Variants in UMAD1 observed in about 807,000 individuals in gnomAD.
The protein encoded by UMAD1 is UBAP1-MVB12-associated (UMA) domain containing 1.
In UMAD1, 8 loss-of-function variants were observed where a neutral mutation model predicts 6.1. The observed-to-expected ratio is 1.30, with a 90% CI of 0.76 to 2.35. UMAD1 has a LOEUF of 2.35. Among genes scored for constraint, UMAD1 ranks in the 30% most tolerant of loss-of-function variants. UMAD1 has a pLI of 0.00. For missense variants in UMAD1, 130 were observed against 78.4 expected (o/e 1.66, Z -2.49); for synonymous variants, 56 against 31.4 (o/e 1.78, Z -2.61).
intron 3 of UMAD1, among the ~76,000 whole-genome samples, chr7:7,851,178 TC>T (rs999399680): frequency 9.9e-5 from 15 of 152,174 alleles, no homozygotes; most frequent in Admixed American, 7.9e-4. Context: ...GTGACTGGCT[TC>T]TTTCAGTTAG....
At chr7:7,716,824 T>TA (rs1189147037) in intron 2 of UMAD1, among the ~76,000 whole-genome samples, 3 of 152,104 alleles carry the variant, frequency 2.0e-5, no homozygotes, top group Non-Finnish European at 2.9e-5. Context: ...CGGGCGCCCA[T>TA]AATCCCAGCT....
At chr7:7,712,578 C>T (rs1345052904) in intron 2 of UMAD1, among the ~76,000 whole-genome samples, 2 of 152,132 alleles carry the variant, frequency 1.3e-5, no homozygotes, top group African/African-American at 2.4e-5. Context: ...CATAATTCAT[C>T]TTTAGATTCT....
intron 2 of UMAD1, chr7:7,742,638 A>G (rs1781494960): frequency 2.9e-6 from 1 of 346,648 alleles, no homozygotes; most frequent in Non-Finnish European, 5.7e-6. Flanking sequence ...GAAAAGAACC[A>G]TAATTTTCAA....
At chr7:7,742,124 G>T in intron 2 of UMAD1, 1 of 612,094 alleles carries the variant, frequency 1.6e-6, no homozygotes, top group Non-Finnish European at 3.2e-6. Flanking sequence ...CCAAAGCATC[G>T]TAATCAGGAG....
chr7:7,673,704 TC>T (rs68160237), intron 2 of UMAD1, among the ~76,000 whole-genome samples: 85,449 of 149,942 alleles, frequency 0.57, 24,519 homozygotes, highest in East Asian at 0.8. Flanking sequence ...CACTTCTTTT[TC>T]CCCCCCTTTT....
intron 2 of UMAD1, chr7:7,741,191 A>G (rs887722323): frequency 3.9e-5 from 6 of 152,134 alleles, no homozygotes; most frequent in African/African-American, 1.4e-4. Context: ...TTCAGGGAGT[A>G]AGTCTTTATA....
chr7:7,661,876 G>A (rs1785483102), intron 1 of UMAD1, among the ~76,000 whole-genome samples: 1 of 152,152 alleles, frequency 6.6e-6, no homozygotes, highest in African/African-American at 2.4e-5. Context: ...TGGCAGGCAG[G>A]GACGTTTAAT....
At chr7:7,725,830 T>A (rs1781128833) in intron 2 of UMAD1, among the ~76,000 whole-genome samples, 1 of 152,154 alleles carries the variant, frequency 6.6e-6, no homozygotes, top group Non-Finnish European at 1.5e-5. Context: ...TTCCCTATGA[T>A]CAGTTGACGT....
chr7:7,810,787 A>G (rs1783005302), intron 3 of UMAD1, among the ~76,000 whole-genome samples: 1 of 152,214 alleles, frequency 6.6e-6, no homozygotes, highest in Non-Finnish European at 1.5e-5. Context: ...TGATAGTAAA[A>G]TAGTGAAACA....
At chr7:7,814,110 A>T (rs1783079155) in intron 3 of UMAD1, among the ~76,000 whole-genome samples, 1 of 152,040 alleles carries the variant, frequency 6.6e-6, no homozygotes, top group Non-Finnish European at 1.5e-5. Context: ...CAGCCTCCCA[A>T]GTAGCTGGGA....
intron 3 of UMAD1, among the ~76,000 whole-genome samples, chr7:7,825,578 C>A (rs1459162214): frequency 6.6e-6 from 1 of 152,120 alleles, no homozygotes. Context: ...TATTCACTAT[C>A]ATGAGAACAG....
chr7:7,650,661 A>G (rs1161165906), intron 1 of UMAD1, among the ~76,000 whole-genome samples: 1 of 152,262 alleles, frequency 6.6e-6, no homozygotes, highest in Non-Finnish European at 1.5e-5. Flanking sequence ...AACAAAGTTT[A>G]AGCTGGTTAA....
At chr7:7,875,439 T>C (rs150749716) in intron 3 of UMAD1, among the ~76,000 whole-genome samples, 14 of 151,630 alleles carry the variant, frequency 9.2e-5, no homozygotes, top group African/African-American at 3.1e-4. Context: ...AGATGGACCA[T>C]TAACCAGACT....
At chr7:7,827,860 A>G (rs1031876186) in intron 3 of UMAD1, among the ~76,000 whole-genome samples, 1 of 152,194 alleles carries the variant, frequency 6.6e-6, no homozygotes, top group African/African-American at 2.4e-5. Flanking sequence ...TCCAATTCAC[A>G]TGTACATGAA....
chr7:7,828,678 A>G (rs7803087), intron 3 of UMAD1, among the ~76,000 whole-genome samples: 1 of 151,890 alleles, frequency 6.6e-6, no homozygotes, highest in African/African-American at 2.4e-5. Flanking sequence ...CTTGCACACA[A>G]CCTTGCGTTT....
intron 3 of UMAD1, among the ~76,000 whole-genome samples, chr7:7,805,506 C>T (rs1301880535): frequency 6.6e-6 from 1 of 152,104 alleles, no homozygotes; most frequent in East Asian, 1.9e-4. Context: ...TTACTAGGGC[C>T]CCATTCTTTC....
chr7:7,813,150 G>A (rs546183920), intron 3 of UMAD1, among the ~76,000 whole-genome samples: 2 of 152,234 alleles, frequency 1.3e-5, no homozygotes, highest in Middle Eastern at 6.8e-3. Context: ...TACAATTTAC[G>A]TAGATTTTCC....
chr7:7,731,472 C>G (rs912685608), intron 2 of UMAD1, among the ~76,000 whole-genome samples: 1 of 131,460 alleles, frequency 7.6e-6, no homozygotes, highest in East Asian at 2.2e-4. Context: ...AAAGGAAAAG[C>G]AAACAAACAA....
chr7:7,799,960 T>G (rs1233029908), intron 2 of UMAD1, among the ~76,000 whole-genome samples: 4 of 152,258 alleles, frequency 2.6e-5, no homozygotes. Context: ...CTCGGCTCAC[T>G]GCAACCTCCG....
Sources: gnomAD v4.1 joint callset for allele counts (sites outside exome capture counted in the v4.1 genomes callset) on GRCh38, gnomAD v4.1.1 for gene constraint, MANE v1.5 for transcripts, NCBI Gene and HGNC (gene_info 2026-07-23, HGNC 2026-07-21) for gene names.